LTBP1: variants seen among roughly 807,000 people sequenced by gnomAD.
LTBP1 encodes latent transforming growth factor beta binding protein 1.
LTBP1 carries 129 observed loss-of-function variants against 207.6 expected under a neutral mutation model. The observed-to-expected ratio is 0.62, with a 90% CI of 0.54 to 0.72. The LOEUF (loss-of-function observed/expected upper bound fraction) is 0.72. LTBP1 is among the 30% of genes least tolerant of loss of function. The pLI is 0.00. For missense variants in LTBP1, 2,281 were observed against 2,217.2 expected, an observed-to-expected ratio of 1.03 and a Z score of -0.58; for synonymous variants, 963 against 833.7, an observed-to-expected ratio of 1.16 and a Z score of -2.67.
chr2:33,012,882 T>C (rs1687868151), intron 2 of LTBP1, among the ~76,000 whole-genome samples: 1 of 152,222 alleles, frequency 6.6e-6, no homozygotes, highest in South Asian at 2.1e-4. Flanking sequence ...ATGCACAAAG[T>C]AAAATTATAC....
intron 7 of LTBP1, among the ~76,000 whole-genome samples, chr2:33,212,990 G>T (rs967559793): frequency 6.6e-6 from 1 of 152,184 alleles, no homozygotes; most frequent in Admixed American, 6.5e-5. Context: ...CTTGCTCAGG[G>T]TATCTGAACA....
intron 2 of LTBP1, among the ~76,000 whole-genome samples, chr2:33,004,684 A>C (rs1686519167): frequency 6.7e-6 from 1 of 150,120 alleles, no homozygotes; most frequent in South Asian, 2.1e-4. Context: ...CTGAGGCAGG[A>C]GAATCACTTG....
In LTBP1 at chr2:33,398,631, T is replaced by A; in HGVS notation, c.*86T>A. 1 of 1,301,090 alleles carries A rather than the reference T, an allele frequency of 7.7e-7. No homozygotes were observed. Among genetic ancestry groups the A allele is most frequent in the Non-Finnish European group, 1.0e-6 (1 of 957,134 alleles). The allele number at this position is 1,301,090 out of a possible 1,614,324, so 80.6% of individuals were successfully genotyped here. ...TGTATTATACTTGAGACATTGCACCTACCCCGGAAGGCTGGAAATACAGAA... is the reference window on the plus strand; with the variant it reads ...TGTATTATACTTGAGACATTGCACCAACCCCGGAAGGCTGGAAATACAGAA... On this transcript the variant is annotated 3_prime_UTR_variant, in exon 34 of 34. Coordinates refer to ENST00000404816, the MANE Select transcript of LTBP1 (RefSeq NM_206943.4).
chr2:33,091,328 T>C (rs1381509493), intron 3 of LTBP1, among the ~76,000 whole-genome samples: 1 of 152,156 alleles, frequency 6.6e-6, no homozygotes, highest in Non-Finnish European at 1.5e-5. Flanking sequence ...ATGAGCAGCT[T>C]AAGCATAGAT....
Position 33,233,434 on chromosome 2 carries a change from A to G in LTBP1, c.1877-10228A>G, listed in dbSNP as rs1200442186. ...AAGTATTCATTTAACTGGTTAAGGT[A>G]TGCTAAAAATCCTTAAAGAATCTTG... On this transcript the variant is annotated intron_variant, in intron 9 of 33. Coordinates refer to ENST00000404816, the MANE Select transcript of LTBP1 (RefSeq NM_206943.4). 2.6e-5 allele frequency among the ~76,000 whole-genome samples: 4 copies of G among 152,288 alleles called. No homozygotes were observed. In the East Asian group the frequency reaches 5.8e-4, roughly 22 times the overall value.
intron 3 of LTBP1, among the ~76,000 whole-genome samples, chr2:33,059,080 G>A (rs1166203590): frequency 6.6e-6 from 1 of 152,202 alleles, no homozygotes; most frequent in Non-Finnish European, 1.5e-5. Context: ...GGAAAAGGAT[G>A]ATGTGAATTT....
intron 8 of LTBP1, among the ~76,000 whole-genome samples, chr2:33,219,158 T>C (rs1202916597): frequency 6.6e-6 from 1 of 152,176 alleles, no homozygotes; most frequent in Non-Finnish European, 1.5e-5. Context: ...GAAGACTAAC[T>C]TGTGGAAATG....
At chr2:32,980,170 T>C (rs1242307027) in intron 2 of LTBP1, among the ~76,000 whole-genome samples, 1 of 152,162 alleles carries the variant, frequency 6.6e-6, no homozygotes, top group Non-Finnish European at 1.5e-5. Context: ...TTCAGTGTTG[T>C]TATTGTTAAG....
intron 15 of LTBP1, among the ~76,000 whole-genome samples, chr2:33,264,255 CAAAAA>C (rs33981203): frequency 1.1e-5 from 1 of 91,220 alleles, no homozygotes; most frequent in Admixed American, 1.1e-4. Context: ...GACTCTGTCT[CAAAAA>C]AAAAAAAAAA....
At chr2:33,022,704 G>C (rs573032453) in intron 3 of LTBP1, among the ~76,000 whole-genome samples, 1 of 152,246 alleles carries the variant, frequency 6.6e-6, no homozygotes. Context: ...TCTGTAAAGG[G>C]ACAGATAGTA....
intron 24 of LTBP1, among the ~76,000 whole-genome samples, chr2:33,317,363 T>A (rs1035820667): frequency 1.3e-5 from 2 of 152,250 alleles, no homozygotes; most frequent in Admixed American, 6.5e-5. Context: ...CATGGTAGTA[T>A]AACTAGAACT....
chr2:33,182,687 G>GAGATAGATATATATATAT (rs1469125010), intron 5 of LTBP1, among the ~76,000 whole-genome samples: 1 of 67,048 alleles, frequency 1.5e-5, no homozygotes, highest in African/African-American at 5.9e-5. Flanking sequence ...AAAAGATGGT[G>GAGATAGATATATATATAT]ATATATATAT....
At chr2:33,319,977 A>C (rs144610424) in intron 24 of LTBP1, among the ~76,000 whole-genome samples, 2 of 152,336 alleles carry the variant, frequency 1.3e-5, no homozygotes, top group African/African-American at 4.8e-5. Flanking sequence ...CCTGTGTGCC[A>C]TCCACTGTTC....
At chr2:32,997,737 G>A (rs1296251026) in intron 2 of LTBP1, among the ~76,000 whole-genome samples, 1 of 152,198 alleles carries the variant, frequency 6.6e-6, no homozygotes, top group Non-Finnish European at 1.5e-5. Context: ...CCCAGCAGAT[G>A]TGCAGACCAG....
In LTBP1 at chr2:33,217,758, C is replaced by T. The variant is rs1296676818; in HGVS notation, c.1804+104C>T. On this transcript the variant is annotated intron_variant, in intron 8 of 33. Transcript: ENST00000404816. ...AATATTAGACTTTCAAAGAACTCTC[C>T]TACTGAATTCTAGAATGTAGTACTA... The T allele has an allele frequency of 7.2e-6, 6 of 829,652 alleles. No homozygotes were observed. In the East Asian group the frequency reaches 1.4e-4, roughly 19 times the overall value. 51.4% of individuals were successfully genotyped at this position (829,652 alleles called of 1,614,324 possible).
intron 5 of LTBP1, among the ~76,000 whole-genome samples, chr2:33,141,463 T>A (rs1489125369): frequency 6.6e-6 from 1 of 152,190 alleles, no homozygotes; most frequent in Non-Finnish European, 1.5e-5. Context: ...AAACACATTT[T>A]AAAAATATAG....
intron 3 of LTBP1, among the ~76,000 whole-genome samples, chr2:33,088,621 T>G (rs2078894053): frequency 6.6e-6 from 1 of 152,176 alleles, no homozygotes; most frequent in African/African-American, 2.4e-5. Flanking sequence ...TTAGTCCATC[T>G]TGTTTTTACT....
rs77546935 is a variant in LTBP1 at position 33,290,230 on chromosome 2, T to A, written c.3113-2930T>A. 3.0e-4 allele frequency among the ~76,000 whole-genome samples: 45 copies of A among 152,342 alleles called. No homozygotes were observed. The East Asian group carries it at 6.5e-3, about 22-fold the overall frequency. On this transcript the variant is annotated intron_variant, in intron 19 of 33. Coordinates refer to ENST00000404816, the MANE Select transcript of LTBP1 (RefSeq NM_206943.4). ...ACATTCATCTATCTTAATGAACTAA[T>A]CACCTCTTAAAAGCACGACTTCCCT...
chr2:33,204,484 T>G (rs2089666092), intron 7 of LTBP1, among the ~76,000 whole-genome samples: 1 of 152,258 alleles, frequency 6.6e-6, no homozygotes, highest in Non-Finnish European at 1.5e-5. Flanking sequence ...ATGATCACTT[T>G]GCAGAAGACT....
Sources: gnomAD v4.1 joint callset for allele counts (sites outside exome capture counted in the v4.1 genomes callset) on GRCh38, gnomAD v4.1.1 for gene constraint, MANE v1.5 for transcripts, NCBI Gene and HGNC (gene_info 2026-07-23, HGNC 2026-07-21) for gene names.